The following TRHDE variants were observed in gnomAD, a reference collection of about 807,000 sequenced individuals.
The protein encoded by TRHDE is thyrotropin-releasing hormone-degrading ectoenzyme.
TRHDE carries 72 observed loss-of-function variants against 125.7 expected under a neutral mutation model. The ratio of observed to expected loss-of-function variants is 0.57; its 90% CI spans 0.47 to 0.70. The LOEUF (loss-of-function observed/expected upper bound fraction) is 0.70, where lower values mean the gene tolerates loss of function less well. Among genes scored for constraint, TRHDE ranks in the 30% least tolerant of loss-of-function variants. TRHDE has a pLI of 0.00. For missense variants in TRHDE, 1,110 were observed against 1,327.1 expected, an observed-to-expected ratio of 0.84 and a Z score of 2.54; for synonymous variants, 509 against 509.1, an observed-to-expected ratio of 1.00 and a Z score of 0.00.
chr12:72,351,723 C>A lies in TRHDE; in HGVS notation c.1189-26272C>A, dbSNP rs553211945. On this transcript the variant is annotated intron_variant, in intron 2 of 18. Coordinates refer to ENST00000261180, the MANE Select transcript of TRHDE (RefSeq NM_013381.3). Reference sequence around the variant, plus strand: ...TTCCAATTCATGCTCTAAATTAGAACCTTCTTTCCTAAAGCCCATCAATAT... The same window carrying A: ...TTCCAATTCATGCTCTAAATTAGAAACTTCTTTCCTAAAGCCCATCAATAT... Among the ~76,000 whole-genome samples the A allele has an allele frequency of 1.1e-4, 17 of 151,968 alleles. 1 individual carries two copies. The highest frequency in any genetic ancestry group is 6.8e-3 in the Middle Eastern group (2 of 294).
intron 2 of TRHDE, among the ~76,000 whole-genome samples, chr12:72,200,928 A>C (rs1695278649): frequency 6.6e-6 from 1 of 152,252 alleles, no homozygotes; most frequent in Non-Finnish European, 1.5e-5. Flanking sequence ...ATTTGGGAAT[A>C]GCTGTGAGCT....
At chr12:72,550,400 C>T (rs1233285815) in intron 7 of TRHDE, among the ~76,000 whole-genome samples, 2 of 151,946 alleles carry the variant, frequency 1.3e-5, no homozygotes, top group African/African-American at 4.8e-5. Flanking sequence ...TCTGCATCAG[C>T]AGTTTTCTTT....
intron 2 of TRHDE, chr12:72,167,649 C>G (rs999663727): frequency 3.3e-5 from 5 of 152,194 alleles, no homozygotes; most frequent in Non-Finnish European, 5.9e-5. Flanking sequence ...TCATTTATGA[C>G]AGCATGTAAG....
chr12:72,188,759 G>A (rs926756440), intron 2 of TRHDE, among the ~76,000 whole-genome samples: 1 of 152,164 alleles, frequency 6.6e-6, no homozygotes, highest in Non-Finnish European at 1.5e-5. Flanking sequence ...AATAAATTAA[G>A]CATTTTGGAA....
intron 15 of TRHDE, among the ~76,000 whole-genome samples, chr12:72,650,153 A>G (rs890223846): frequency 6.6e-6 from 1 of 152,156 alleles, no homozygotes; most frequent in Non-Finnish European, 1.5e-5. Flanking sequence ...AGATGGATGG[A>G]TAAAGGAAAC....
intron 3 of TRHDE, among the ~76,000 whole-genome samples, chr12:72,426,243 T>A (rs1160533882): frequency 2.6e-5 from 4 of 152,124 alleles, no homozygotes; most frequent in Non-Finnish European, 4.4e-5. Flanking sequence ...CTCTGTTGAA[T>A]GTAATAAGAT....
intron 6 of TRHDE, among the ~76,000 whole-genome samples, chr12:72,505,710 T>A (rs551775843): frequency 1.1e-3 from 167 of 152,322 alleles, no homozygotes; most frequent in Admixed American, 8.5e-3. Context: ...ATAAATTTTT[T>A]AAAAAGTGAT....
chr12:72,152,003 C>T (rs1165465283), intron 2 of TRHDE, among the ~76,000 whole-genome samples: 5 of 151,566 alleles, frequency 3.3e-5, no homozygotes, highest in South Asian at 2.1e-4. Context: ...GCCATTTTCA[C>T]AATATTGATT....
rs1426134473 is a variant in TRHDE, at chr12:72,337,509, A to T, written c.1189-40486A>T. Among the ~76,000 whole-genome samples the T allele has an allele frequency of 2.0e-5, 3 of 152,096 alleles. No homozygotes were observed. In the East Asian group the frequency reaches 5.8e-4, roughly 30 times the overall value. On this transcript the variant is annotated intron_variant, in intron 2 of 18. Coordinates refer to ENST00000261180, the MANE Select transcript of TRHDE (RefSeq NM_013381.3). ...CAGCGAGTAGTTTCTCCCCTTAATT[A>T]TTTGTGGTGTTACCTTGGTGGTATT...
chr12:72,183,160 A>T (rs1365802091), intron 2 of TRHDE, among the ~76,000 whole-genome samples: 1 of 152,202 alleles, frequency 6.6e-6, no homozygotes, highest in Non-Finnish European at 1.5e-5. Context: ...CTCTTTAACC[A>T]AGCCATCCCT....
intron 12 of TRHDE, among the ~76,000 whole-genome samples, chr12:72,578,703 T>C (rs536436715): frequency 5.9e-5 from 9 of 152,172 alleles, no homozygotes; most frequent in South Asian, 2.1e-4. Context: ...GTTACTTGAA[T>C]TGATAAAGTA....
chr12:72,273,715 G>A lies in TRHDE; in HGVS notation c.914+158G>A. 1 of 661,564 alleles carries A rather than the reference G, an allele frequency of 1.5e-6. No homozygotes were observed. The highest frequency in any genetic ancestry group is 2.5e-6 in the Non-Finnish European group (1 of 395,692). The allele number at this position is 661,564 out of a possible 1,614,324, so 41.0% of individuals were successfully genotyped here. A position where few individuals can be genotyped will look rare whatever the true frequency, so the allele number is the denominator to read the frequency against. On this transcript the variant is annotated intron_variant, in intron 1 of 18. Coordinates refer to ENST00000261180, the MANE Select transcript of TRHDE (RefSeq NM_013381.3). The surrounding 1 kb of genome is among the most constrained non-coding windows in gnomAD (Gnocchi z 5.3). ...GCGGAGTAGGGCAGTCAGAACTCCG[G>A]GGTCTCCCAGATGCCTCGGGGTCTC...
rs1388569611 is a variant in TRHDE, at chr12:72,273,843, TCGAAACGCAGGG to T, written c.914+288_914+299del. 5 of 383,224 alleles carry T rather than the reference TCGAAACGCAGGG, an allele frequency of 1.3e-5. No individual in the cohort carries two copies. In the Admixed American group the frequency reaches 1.6e-4, roughly 12 times the overall value. The allele number at this position is 383,224 out of a possible 1,614,324, so 23.7% of individuals were successfully genotyped here. The stretch of plus-strand genomic sequence containing the variant: ...TCTTCCTGTCAGAGTTCCTTAGCCA[TCGAAACGCAGGG>T]CTCTTTTTCTGAAGGGTAGCTGATA... On this transcript the variant is annotated intron_variant, in intron 1 of 18. Transcript: ENST00000261180. The surrounding 1 kb of genome is among the most constrained non-coding windows in gnomAD (Gnocchi z 5.3).
chr12:72,654,563 G>A (rs1245118913), intron 17 of TRHDE, among the ~76,000 whole-genome samples: 1 of 151,980 alleles, frequency 6.6e-6, no homozygotes, highest in Non-Finnish European at 1.5e-5. Context: ...ATGGATAATT[G>A]GCCATAGAGG....
At position 72,161,216 on chromosome 12, in the gene TRHDE, C is replaced by T. The variant is rs1049543339; in HGVS notation, n.279+55464C>T. ...TTGGGAGGCCAAGGCTGGCAGATCA[C>T]GAGGTCAAGCGATAGAGACGATCCT... is the stretch of plus-strand genomic sequence containing the variant. On this transcript the variant is annotated intron_variant and non_coding_transcript_variant, in intron 2 of 4. Transcript: ENST00000548156. Among the ~76,000 whole-genome samples the T allele has an allele frequency of 2.6e-5, 4 of 152,198 alleles. No individual in the cohort carries two copies. The East Asian group carries it at 5.8e-4, about 22-fold the overall frequency.
intron 5 of TRHDE, among the ~76,000 whole-genome samples, chr12:72,476,537 C>T (rs2135906811): frequency 6.6e-6 from 1 of 152,238 alleles, no homozygotes; most frequent in South Asian, 2.1e-4. Flanking sequence ...TGCGTAAAAG[C>T]TTGTCTGTAA....
At chr12:72,338,486 C>T (rs1170283689) in intron 2 of TRHDE, among the ~76,000 whole-genome samples, 1 of 152,144 alleles carries the variant, frequency 6.6e-6, no homozygotes. Flanking sequence ...GTGTGGTATA[C>T]AGGGGACAGA....
intron 6 of TRHDE, among the ~76,000 whole-genome samples, chr12:72,541,045 T>C (rs1869121485): frequency 6.6e-6 from 1 of 151,530 alleles, no homozygotes; most frequent in Non-Finnish European, 1.5e-5. Flanking sequence ...TGGAAATTCA[T>C]TGTTGTGTTG....
intron 10 of TRHDE, among the ~76,000 whole-genome samples, chr12:72,573,138 G>T (rs1870825759): frequency 6.6e-6 from 1 of 151,752 alleles, no homozygotes. Flanking sequence ...CTTCAAGGTT[G>T]CTAAGGTTTT....
Sources: allele counts gnomAD v4.1 joint callset (sites outside exome capture counted in the v4.1 genomes callset), GRCh38; gene constraint gnomAD v4.1.1; non-coding constraint Gnocchi (gnomAD v3.1); transcripts MANE v1.5; gene names NCBI Gene and HGNC (gene_info 2026-07-23, HGNC 2026-07-21).